The following ALK variants were observed in gnomAD, a reference collection of about 807,000 sequenced individuals.
The protein encoded by ALK is ALK tyrosine kinase receptor.
A neutral mutation model predicts 163.1 loss-of-function variants in ALK; 74 were observed. The observed-to-expected ratio is 0.45, with a 90% CI of 0.38 to 0.55. The LOEUF is 0.55. Among genes scored for constraint, ALK ranks in the 20% least tolerant of loss-of-function variants. The pLI is 0.00. For missense variants in ALK, 2,063 were observed against 2,105.3 expected, an observed-to-expected ratio of 0.98 and a Z score of 0.39; for synonymous variants, 960 against 843.2, an observed-to-expected ratio of 1.14 and a Z score of -2.40.
At chr2:29,831,381 A>T (rs915980508) in intron 1 of ALK, among the ~76,000 whole-genome samples, 3 of 151,060 alleles carry the variant, frequency 2.0e-5, no homozygotes, top group African/African-American at 4.9e-5. Context: ...TTTTCATTAG[A>T]CTCCTAGGAG....
intron 3 of ALK, among the ~76,000 whole-genome samples, chr2:29,670,629 C>T (rs1677654699): frequency 6.6e-6 from 1 of 151,998 alleles, no homozygotes; most frequent in African/African-American, 2.4e-5. Context: ...TTCTTGAACA[C>T]CAATAATTCT....
chr2:29,562,950 C>A (rs1349623021), intron 3 of ALK, among the ~76,000 whole-genome samples: 1 of 152,134 alleles, frequency 6.6e-6, no homozygotes, highest in Non-Finnish European at 1.5e-5. Context: ...AAGCTAAGAT[C>A]AAATGCAAAT....
chr2:29,437,891 C>T (rs544565999), intron 4 of ALK, among the ~76,000 whole-genome samples: 15 of 152,348 alleles, frequency 9.8e-5, no homozygotes, highest in African/African-American at 3.6e-4. Context: ...CAGATTCAAA[C>T]AGTCATTTAT....
intron 4 of ALK, among the ~76,000 whole-genome samples, chr2:29,394,343 GA>G (rs1179154714): frequency 2.0e-5 from 3 of 150,562 alleles, no homozygotes; most frequent in African/African-American, 7.3e-5. Context: ...AAGAAAGAAA[GA>G]AAAAAATCAA....
At chr2:29,636,532 C>A (rs1676537058) in intron 3 of ALK, among the ~76,000 whole-genome samples, 1 of 151,906 alleles carries the variant, frequency 6.6e-6, no homozygotes, top group South Asian at 2.1e-4. Context: ...GGAAGTAGGG[C>A]AACAGAAAGA....
intron 1 of ALK, among the ~76,000 whole-genome samples, chr2:29,903,466 C>T (rs4365419): frequency 0.021 from 3,206 of 152,236 alleles, 118 homozygotes; most frequent in African/African-American, 0.073. Context: ...ACTCCCTTGT[C>T]CCTCAGTCCC....
At chr2:29,432,061 C>A (rs1446636833) in intron 4 of ALK, among the ~76,000 whole-genome samples, 3 of 152,128 alleles carry the variant, frequency 2.0e-5, no homozygotes, top group African/African-American at 4.8e-5. Context: ...CCCTGCCCTG[C>A]TACCACCTCA....
intron 9 of ALK, among the ~76,000 whole-genome samples, chr2:29,278,755 G>C (rs796881757): frequency 2.0e-5 from 3 of 152,212 alleles, no homozygotes; most frequent in African/African-American, 7.2e-5. Context: ...AAGGACTCAG[G>C]TTCCCTGTGG....
chr2:29,802,891 G>A (rs1664521784), intron 1 of ALK, among the ~76,000 whole-genome samples: 1 of 151,300 alleles, frequency 6.6e-6, no homozygotes, highest in Non-Finnish European at 1.5e-5. Context: ...GACAGTGACA[G>A]CCATCCCCTC....
intron 28 of ALK, among the ~76,000 whole-genome samples, chr2:29,194,332 G>C (rs1003085159): frequency 1.3e-5 from 2 of 152,104 alleles, no homozygotes; most frequent in Non-Finnish European, 2.9e-5. Context: ...CTTCAAGAGT[G>C]ATGGTGGGGG....
At position 29,594,960 on chromosome 2, in the gene ALK, G is replaced by GA. The variant is rs532627393; in HGVS notation, c.953-62845dup. Among the ~76,000 whole-genome samples, 359 of 151,468 alleles carry GA rather than the reference G, an allele frequency of 2.4e-3. 6 individuals carry two copies. Among genetic ancestry groups the GA allele is most frequent in the South Asian group, 0.01 (48 of 4,788 alleles). ...GAAGTATCTGATAAAAATGCAAAAGGAAGGAACAGAAGGAATAGATTATTT... is the reference window on the plus strand; with the variant it reads ...GAAGTATCTGATAAAAATGCAAAAGGAAAGGAACAGAAGGAATAGATTATTT... On this transcript the variant is annotated intron_variant, in intron 3 of 28. Coordinates refer to ENST00000389048, the MANE Select transcript of ALK (RefSeq NM_004304.5).
chr2:29,854,494 C>T (rs745617787), intron 1 of ALK, among the ~76,000 whole-genome samples: 17 of 152,184 alleles, frequency 1.1e-4, no homozygotes, highest in Non-Finnish European at 1.6e-4. Flanking sequence ...TAGGCTGAGG[C>T]TTCCTGAGGC....
intron 4 of ALK, among the ~76,000 whole-genome samples, chr2:29,400,985 A>T (rs1669430801): frequency 6.6e-6 from 1 of 152,254 alleles, no homozygotes; most frequent in East Asian, 1.9e-4. Flanking sequence ...CAAAAAAAAA[A>T]AAAGCAGATG....
chr2:29,318,479 T>C, intron 7 of ALK, 75 bp from the exon 8 acceptor site: 1 of 1,024,666 alleles, frequency 9.8e-7, no homozygotes, highest in Non-Finnish European at 1.5e-6. Flanking sequence ...GTTAATGGAC[T>C]GTGCACAGTT....
intron 4 of ALK, among the ~76,000 whole-genome samples, chr2:29,437,618 GTT>G (rs1670434572): frequency 2.6e-5 from 4 of 152,110 alleles, no homozygotes. Context: ...CTCAATGGAG[GTT>G]TATTGAGATA....
intron 3 of ALK, among the ~76,000 whole-genome samples, chr2:29,583,284 A>C (rs1210834863): frequency 6.6e-6 from 1 of 152,162 alleles, no homozygotes; most frequent in African/African-American, 2.4e-5. Context: ...ATCATGCTTT[A>C]TAATTTGCAA....
At chr2:29,780,008 G>A (rs1313529370) in intron 1 of ALK, among the ~76,000 whole-genome samples, 1 of 152,196 alleles carries the variant, frequency 6.6e-6, no homozygotes. Flanking sequence ...GGAATGCTGA[G>A]AACCAAATAA....
chr2:29,372,027 A>G (rs1668650061), intron 5 of ALK, among the ~76,000 whole-genome samples: 1 of 152,226 alleles, frequency 6.6e-6, no homozygotes, highest in South Asian at 2.1e-4. Flanking sequence ...AACTCAATAC[A>G]TAGCCATGCT....
At chr2:29,682,778 T>C (rs927535295) in intron 3 of ALK, among the ~76,000 whole-genome samples, 2 of 152,194 alleles carry the variant, frequency 1.3e-5, no homozygotes, top group Non-Finnish European at 2.9e-5. Context: ...GTAGGCACCT[T>C]GCCTAAGAAT....
Sources: allele counts gnomAD v4.1 joint callset (sites outside exome capture counted in the v4.1 genomes callset), GRCh38; gene constraint gnomAD v4.1.1; transcripts MANE v1.5; gene names NCBI Gene and HGNC (gene_info 2026-07-23, HGNC 2026-07-21).